PCDHA11: variants seen among roughly 807,000 people sequenced by gnomAD.
PCDHA11 encodes the protein protocadherin alpha-11.
PCDHA11 carries 61 observed loss-of-function variants against 70.3 expected under a neutral mutation model. The observed-to-expected ratio is 0.87, with a 90% confidence interval of 0.71 to 1.07. PCDHA11 has a LOEUF of 1.07. PCDHA11 is among the 50% of genes least tolerant of loss of function. The pLI is 0.00. For synonymous variants in PCDHA11, 633 were observed against 555.1 expected (o/e 1.14, Z -1.97); for missense variants, 1,324 against 1,237.5 (o/e 1.07, Z -1.05).
rs116228766 is a variant in PCDHA11 at position 140,907,042 on chromosome 5, C to A, written c.2391+35548C>A. Among the ~76,000 whole-genome samples, 705 of 152,284 alleles carry A rather than the reference C, an allele frequency of 4.6e-3. 3 individuals carry two copies. The highest frequency in any genetic ancestry group is 0.016 in the African/African-American group (683 of 41,556). On this transcript the variant is annotated intron_variant, in intron 1 of 3. Coordinates refer to ENST00000398640, the MANE Select transcript of PCDHA11 (RefSeq NM_018902.5). The stretch of plus-strand genomic sequence containing the variant: ...CCAGCAGAACATAATGTCACAGGGA[C>A]AGTAAGCAAAAATTTTACTAGTGGG...
At chr5:140,876,309 TG>T (rs782243460) in intron 1 of PCDHA11, 8 of 1,613,946 alleles carry the variant, frequency 5.0e-6, no homozygotes, top group Non-Finnish European at 6.8e-6. Flanking sequence ...AAATTTCCTA[TG>T]GGATCAAAAT....
chr5:140,881,581 T>C (rs782420499), intron 1 of PCDHA11, among the ~76,000 whole-genome samples: 2 of 152,222 alleles, frequency 1.3e-5, no homozygotes, highest in African/African-American at 2.4e-5. Context: ...TCAAGTCACA[T>C]TGAGGGAAAT....
chr5:140,937,378 G>T (rs1248709474), intron 1 of PCDHA11, among the ~76,000 whole-genome samples: 1 of 152,130 alleles, frequency 6.6e-6, no homozygotes, highest in African/African-American at 2.4e-5. Context: ...GTTTATGTGT[G>T]TGTATGTGTA....
chr5:141,001,269 C>A (rs536985121), intron 3 of PCDHA11, among the ~76,000 whole-genome samples: 2 of 152,152 alleles, frequency 1.3e-5, no homozygotes, highest in East Asian at 3.9e-4. Context: ...CTCTTATGAA[C>A]TTTTTTTACG....
chr5:140,877,590 G>A (rs996962116), intron 1 of PCDHA11: 20 of 1,613,708 alleles, frequency 1.2e-5, no homozygotes, highest in Admixed American at 1.7e-5. Flanking sequence ...CCATCTGTGC[G>A]GTGTCCAGCC....
In PCDHA11 at chr5:140,871,112, A is replaced by C. The variant is rs1554165130; in HGVS notation, c.2009A>C (p.Glu670Ala). 1.2e-6 allele frequency: 2 copies of C among 1,613,172 alleles called. No homozygotes were observed. The highest frequency in any genetic ancestry group is 1.7e-6 in the Non-Finnish European group (2 of 1,179,890). Residue 670 changes from glutamate (E) to alanine (A), a missense_variant, in exon 1 of 4, where the codon GAG (glutamate) becomes GCG (alanine). Physicochemically the swap from Glu to Ala is moderately radical, Grantham distance 107 (BLOSUM62 -1). Transcript: ENST00000398640. The stretch of plus-strand genomic sequence containing the variant: ...GCCACCGTGCTGGTGTCGTTGGTGG[A>C]GAGCGGACAGGCGCCAAAGGCCTCT... ...ATATVLVSLVESGQAPKASSR... is the reference protein window; with the variant it reads ...ATATVLVSLVASGQAPKASSR...
At chr5:141,006,828 G>A (rs1554260937) in intron 3 of PCDHA11, among the ~76,000 whole-genome samples, 1 of 152,162 alleles carries the variant, frequency 6.6e-6, no homozygotes, top group Non-Finnish European at 1.5e-5. Context: ...TAAATGGGGT[G>A]TAATTTACTG....
chr5:140,983,588 C>G (rs530448589), intron 3 of PCDHA11, among the ~76,000 whole-genome samples: 1 of 152,152 alleles, frequency 6.6e-6, no homozygotes, highest in African/African-American at 2.4e-5. Context: ...TACATCTATT[C>G]TACATATGAG....
intron 1 of PCDHA11, among the ~76,000 whole-genome samples, chr5:140,950,128 A>T (rs1488144119): frequency 6.6e-6 from 1 of 151,920 alleles, no homozygotes; most frequent in Non-Finnish European, 1.5e-5. Flanking sequence ...AACCCACAAG[A>T]CACAGTTATA....
At chr5:140,941,506 G>A (rs556309408) in intron 1 of PCDHA11, among the ~76,000 whole-genome samples, 3 of 151,236 alleles carry the variant, frequency 2.0e-5, no homozygotes, top group Non-Finnish European at 4.4e-5. Flanking sequence ...TAGTAGAGAC[G>A]AGGTTTCACC....
At chr5:140,925,969 A>C (rs2082842050) in intron 1 of PCDHA11, among the ~76,000 whole-genome samples, 1 of 152,172 alleles carries the variant, frequency 6.6e-6, no homozygotes, top group African/African-American at 2.4e-5. Context: ...TCACGCAAAA[A>C]AAAAGCCTTG....
intron 1 of PCDHA11, chr5:140,929,687 C>T (rs2086294433): frequency 3.5e-6 from 1 of 288,138 alleles, no homozygotes; most frequent in African/African-American, 2.2e-5. Flanking sequence ...ATGTAAGAGT[C>T]TGCTTTATAT....
intron 1 of PCDHA11, among the ~76,000 whole-genome samples, chr5:140,978,421 T>C (rs969808613): frequency 2.0e-5 from 3 of 152,236 alleles, no homozygotes; most frequent in Non-Finnish European, 4.4e-5. Flanking sequence ...AAAGAGACTG[T>C]TATCAGTTGC....
chr5:140,990,189 A>C (rs2097379694), intron 3 of PCDHA11, among the ~76,000 whole-genome samples: 1 of 152,218 alleles, frequency 6.6e-6, no homozygotes, highest in Non-Finnish European at 1.5e-5. Flanking sequence ...TAAGAACCAA[A>C]TGTGGACCCG....
rs1563353899 is a variant in PCDHA11, at chr5:140,966,713, G to A, written c.2392-12236G>A. The A allele has an allele frequency of 4.3e-6, 6 of 1,392,826 alleles. No individual in the cohort carries two copies. The African/African-American group carries it at 9.1e-5, about 21-fold the overall frequency. 86.3% of individuals were successfully genotyped at this position (1,392,826 alleles called of 1,614,324 possible). ...CGGGGCCCGGGCGTGGGGCACGGCTGGGGAAGCTGCCGCCTCCGGCCCTGC... is the reference window on the plus strand; with the variant it reads ...CGGGGCCCGGGCGTGGGGCACGGCTAGGGAAGCTGCCGCCTCCGGCCCTGC... On this transcript the variant is annotated intron_variant, in intron 1 of 3. Transcript: ENST00000398640.
chr5:140,940,265 C>T (rs782351194), intron 1 of PCDHA11, among the ~76,000 whole-genome samples: 1 of 152,116 alleles, frequency 6.6e-6, no homozygotes, highest in Non-Finnish European at 1.5e-5. Flanking sequence ...CTTCTGGGTT[C>T]CACTGTTGTC....
intron 1 of PCDHA11, among the ~76,000 whole-genome samples, chr5:140,886,605 A>C (rs998772471): frequency 2.6e-5 from 4 of 152,108 alleles, no homozygotes; most frequent in Admixed American, 6.5e-5. Flanking sequence ...AGGTGGGCGG[A>C]TCAGGAGATC....
chr5:141,002,806 G>T (rs1341419225), intron 3 of PCDHA11, among the ~76,000 whole-genome samples: 1 of 152,162 alleles, frequency 6.6e-6, no homozygotes, highest in Non-Finnish European at 1.5e-5. Context: ...GGAAACTGAG[G>T]CTCAGAGATA....
At chr5:140,989,444 T>C (rs2097342711) in intron 3 of PCDHA11, among the ~76,000 whole-genome samples, 1 of 152,130 alleles carries the variant, frequency 6.6e-6, no homozygotes, top group South Asian at 2.1e-4. Context: ...CTGAGGTTGT[T>C]TAGAATTGTT....
Sources: allele counts gnomAD v4.1 joint callset (sites outside exome capture counted in the v4.1 genomes callset), GRCh38; gene constraint gnomAD v4.1.1; transcripts MANE v1.5; gene names NCBI Gene and HGNC (gene_info 2026-07-23, HGNC 2026-07-21).